ANKRD11: variants seen among roughly 807,000 people sequenced by gnomAD.
The protein encoded by ANKRD11 is ankyrin repeat domain 11.
In ANKRD11, 17 loss-of-function variants were observed where a neutral mutation model predicts 195.7. That is an observed-to-expected ratio of 0.09 (90% CI 0.06 to 0.13). ANKRD11 has a LOEUF of 0.13. ANKRD11 is among the 10% of genes least tolerant of loss of function. The probability of loss-of-function intolerance (pLI) is 1.00; values close to 1 mark genes in which losing one functional copy is unlikely to be tolerated. For missense variants in ANKRD11, 3,735 were observed against 3,566.1 expected (o/e 1.05, Z -1.21); for synonymous variants, 1,953 against 1,528.1 (o/e 1.28, Z -6.49).
intron 2 of ANKRD11, among the ~76,000 whole-genome samples, chr16:89,353,273 C>T (rs1189296657): frequency 5.3e-5 from 8 of 150,850 alleles, no homozygotes; most frequent in Admixed American, 1.3e-4. Context: ...ACTCAGGAGG[C>T]GGAGGTTGCA....
chr16:89,317,944 G>A (rs1043803228), intron 2 of ANKRD11, among the ~76,000 whole-genome samples: 1 of 152,120 alleles, frequency 6.6e-6, no homozygotes, highest in Non-Finnish European at 1.5e-5. Context: ...CCAGCGCAGA[G>A]CCAGGTAAAG....
intron 1 of ANKRD11, among the ~76,000 whole-genome samples, chr16:89,474,010 G>A (rs1184050006): frequency 1.3e-5 from 2 of 152,230 alleles, no homozygotes; most frequent in African/African-American, 4.8e-5. Context: ...CAAGCTGCAA[G>A]GGGCCATGCG....
At position 89,373,953 on chromosome 16, in the gene ANKRD11, G is replaced by A. The variant is rs138613080; in HGVS notation, c.-60+44331C>T. Among the ~76,000 whole-genome samples, 1,241 of 152,334 alleles carry A rather than the reference G, an allele frequency of 8.1e-3. 16 individuals carry two copies. Among genetic ancestry groups the A allele is most frequent in the African/African-American group, 0.028 (1,162 of 41,580 alleles). On this transcript the variant is annotated intron_variant, in intron 2 of 12. Coordinates refer to ENST00000301030, the MANE Select transcript of ANKRD11 (RefSeq NM_013275.6). The stretch of plus-strand genomic sequence containing the variant: ...ATCAGGAGTGACCACCAAGCGGGCT[G>A]GGGCCCTGGCCCACTCGACATCTCC...
At chr16:89,444,393 T>G (rs756455067) in intron 1 of ANKRD11, among the ~76,000 whole-genome samples, 2 of 150,972 alleles carry the variant, frequency 1.3e-5, no homozygotes. Flanking sequence ...GAAGAGCAGG[T>G]GCGTACTAAA....
intron 2 of ANKRD11, chr16:89,372,772 C>G (rs1383656653): frequency 2.0e-5 from 3 of 152,108 alleles, no homozygotes; most frequent in African/African-American, 7.2e-5. Context: ...GAAGATATTC[C>G]CCACGCAAAG....
At chr16:89,365,503 G>C (rs1833792486) in intron 2 of ANKRD11, among the ~76,000 whole-genome samples, 1 of 152,208 alleles carries the variant, frequency 6.6e-6, no homozygotes, top group Non-Finnish European at 1.5e-5. Flanking sequence ...CCGTGCTGCT[G>C]AGACACTCTG....
In ANKRD11 at chr16:89,384,993, C is replaced by T. The variant is rs564286535; in HGVS notation, c.-60+33291G>A. ...CTCTGACTCCTGGGTTCAAGTGATTCTCCTGACTCAGCCTCCCAAGTAGCT... is the reference window on the plus strand; with the variant it reads ...CTCTGACTCCTGGGTTCAAGTGATTTTCCTGACTCAGCCTCCCAAGTAGCT... On this transcript the variant is annotated intron_variant, in intron 2 of 12. Coordinates refer to ENST00000301030, the MANE Select transcript of ANKRD11 (RefSeq NM_013275.6). Among the ~76,000 whole-genome samples the T allele has an allele frequency of 1.9e-3, 261 of 140,616 alleles. 2 individuals are homozygous for T. Among genetic ancestry groups the T allele is most frequent in the African/African-American group, 6.1e-3 (230 of 37,616 alleles). 92.2% of individuals were successfully genotyped at this position (140,616 alleles called of 152,430 possible). A position where few individuals can be genotyped will look rare whatever the true frequency, so the allele number is the denominator to read the frequency against.
intron 11 of ANKRD11, 45 bp from the exon 12 acceptor site, chr16:89,270,954 C>A (rs182040011): frequency 6.3e-7 from 1 of 1,594,672 alleles, no homozygotes; most frequent in East Asian, 2.2e-5. Context: ...CCCCAGAGAC[C>A]GCTACGGGAA....
At chr16:89,465,660 G>A (rs898818048) in intron 1 of ANKRD11, among the ~76,000 whole-genome samples, 2 of 152,160 alleles carry the variant, frequency 1.3e-5, no homozygotes, top group African/African-American at 4.8e-5. Context: ...TCACGTGGAC[G>A]AGCTAAAGAA....
chr16:89,416,345 G>A (rs796222776), intron 2 of ANKRD11, among the ~76,000 whole-genome samples: 2 of 151,974 alleles, frequency 1.3e-5, no homozygotes, highest in African/African-American at 4.8e-5. Context: ...TGTCGCCCAG[G>A]CTCAAGTGCG....
chr16:89,469,674 G>A (rs779182875), intron 1 of ANKRD11, among the ~76,000 whole-genome samples: 15 of 150,668 alleles, frequency 1.0e-4, no homozygotes, highest in Non-Finnish European at 1.2e-4. Flanking sequence ...TGAGGCGGGC[G>A]GATCACGAGG....
At chr16:89,417,236 G>A (rs943044951) in intron 2 of ANKRD11, among the ~76,000 whole-genome samples, 1 of 152,180 alleles carries the variant, frequency 6.6e-6, no homozygotes, top group African/African-American at 2.4e-5. Flanking sequence ...TGAAGCTCCC[G>A]AAAGAAGCTG....
chr16:89,329,228 C>T (rs2037917451), intron 2 of ANKRD11, among the ~76,000 whole-genome samples: 1 of 152,178 alleles, frequency 6.6e-6, no homozygotes. Flanking sequence ...CGAGGAGGCT[C>T]TAGGACCAGG....
Position 89,280,344 on chromosome 16 carries a change from G to A in ANKRD11, c.6198C>T (p.Phe2066=), listed in dbSNP as rs1458209291. The A allele has an allele frequency of 1.3e-6, 2 of 1,577,104 alleles. No homozygotes were observed. Among genetic ancestry groups the A allele is most frequent in the Admixed American group, 3.6e-5 (2 of 55,782 alleles). The change falls in exon 9 of 13, where the codon TTC becomes TTT. Residue 2066 remains phenylalanine, a synonymous_variant. Coordinates refer to ENST00000301030, the MANE Select transcript of ANKRD11 (RefSeq NM_013275.6). ...CTTCCGGAAGTGACTTGCAGTTGCT[G>A]AAGAAGGACTCCAGCCCGGAGGGAG... ...YAPPSGLESF[F]SNCKSLPEAP...
At position 89,490,274 on chromosome 16, in the gene ANKRD11, C is replaced by A; in HGVS notation, c.-174G>T. The A allele has an allele frequency of 6.6e-6, 1 of 152,390 alleles. No homozygotes were observed. The highest frequency in any genetic ancestry group is 1.5e-5 in the Non-Finnish European group (1 of 68,900). 9.4% of individuals were successfully genotyped at this position (152,390 alleles called of 1,614,324 possible). On this transcript the variant is annotated 5_prime_UTR_variant, in exon 1 of 13. Coordinates refer to ENST00000301030, the MANE Select transcript of ANKRD11 (RefSeq NM_013275.6). ...CTCCGAGGGCTGCGCGGCTCCGCGA[C>A]GGCTCAGCGGCGGGGCGCGGGCGCT...
At chr16:89,367,343 C>T (rs549188738) in intron 2 of ANKRD11, among the ~76,000 whole-genome samples, 1 of 152,242 alleles carries the variant, frequency 6.6e-6, no homozygotes, top group Non-Finnish European at 1.5e-5. Flanking sequence ...ACAGTGGCGG[C>T]GCCCAGAGCG....
At chr16:89,396,363 C>G (rs4785666) in intron 2 of ANKRD11, among the ~76,000 whole-genome samples, 81,229 of 151,958 alleles carry the variant, frequency 0.53, 22,076 homozygotes, top group Middle Eastern at 0.72. Flanking sequence ...CCCACACACA[C>G]GCGACGGAGC....
intron 1 of ANKRD11, chr16:89,459,335 C>T (rs1281549738): frequency 2.6e-5 from 4 of 156,830 alleles, no homozygotes; most frequent in Non-Finnish European, 5.6e-5. Flanking sequence ...TTAACAAAAA[C>T]AATTACTGAC....
At chr16:89,451,981 G>T (rs116701465) in intron 1 of ANKRD11, among the ~76,000 whole-genome samples, 1 of 152,022 alleles carries the variant, frequency 6.6e-6, no homozygotes, top group African/African-American at 2.4e-5. Context: ...CATTTGCGCC[G>T]GGTGCAGTGT....
Sources: allele counts gnomAD v4.1 joint callset (sites outside exome capture counted in the v4.1 genomes callset), GRCh38; gene constraint gnomAD v4.1.1; transcripts MANE v1.5; gene names NCBI Gene and HGNC (gene_info 2026-07-23, HGNC 2026-07-21).